The following WDR91 variants were observed in gnomAD, a reference collection of about 807,000 sequenced individuals.
The protein encoded by WDR91 is WD repeat domain 91, also known as WD repeat-containing protein 91.
A neutral mutation model predicts 88.4 loss-of-function variants in WDR91; 52 were observed. That is an observed-to-expected ratio of 0.59 (90% CI 0.47 to 0.74). WDR91 has a LOEUF of 0.74. WDR91 is among the 30% of genes least tolerant of loss of function. WDR91 has a pLI of 0.00. For synonymous variants in WDR91, 362 were observed against 389.5 expected (o/e 0.93, Z 0.83); for missense variants, 824 against 954.5 (o/e 0.86, Z 1.80).
At position 135,192,118 on chromosome 7, in the gene WDR91, T is replaced by G. The variant is rs201666784; in HGVS notation, c.1659+1113A>C. ...CCCAATTTCTGTTGTGTTTTTTTTT[T>G]TTTTTTTTTTTTTTTTTGAGACAGG... On this transcript the variant is annotated intron_variant, in intron 11 of 14. Transcript: ENST00000354475. Among the ~76,000 whole-genome samples the G allele has an allele frequency of 4.3e-5, 6 of 138,098 alleles. 1 individual carries two copies. The highest frequency in any genetic ancestry group is 2.1e-4 in the East Asian group (1 of 4,754). 90.6% of individuals were successfully genotyped at this position (138,098 alleles called of 152,430 possible).
intron 5 of WDR91, 148 bp from the exon 6 acceptor site, chr7:135,204,581 G>T: frequency 2.4e-6 from 2 of 817,274 alleles, no homozygotes; most frequent in Non-Finnish European, 1.9e-6. Flanking sequence ...ATTATCCTTG[G>T]CATCATTTTT....
intron 11 of WDR91, 63 bp from the exon 12 acceptor site, chr7:135,189,515 T>G (rs1831084192): frequency 7.2e-7 from 1 of 1,385,168 alleles, no homozygotes; most frequent in Non-Finnish European, 1.0e-6. Context: ...CGCTGCTTAT[T>G]CCAATGCAGA....
intron 14 of WDR91, among the ~76,000 whole-genome samples, 155 bp from the exon 15 acceptor site, chr7:135,186,470 T>C (rs1224996423): frequency 2.0e-5 from 3 of 152,230 alleles, no homozygotes; most frequent in Non-Finnish European, 4.4e-5. Context: ...CAGGAAATGC[T>C]TGCACTTTCC....
intron 3 of WDR91, chr7:135,207,505 G>A (rs1215543073): frequency 4.8e-6 from 2 of 420,922 alleles, no homozygotes; most frequent in South Asian, 1.7e-5. Context: ...CAGAAGCAAA[G>A]AGCTAGCATC....
intron 11 of WDR91, among the ~76,000 whole-genome samples, chr7:135,192,106 GTGTTTT>G (rs1335177916): frequency 2.0e-5 from 1 of 48,918 alleles, no homozygotes; most frequent in East Asian, 6.1e-4. Flanking sequence ...AATTTCTGTT[GTGTTTT>G]TTTTTTTTTT....
At chr7:135,199,049 A>T (rs926487834) in intron 6 of WDR91, 1 of 152,212 alleles carries the variant, frequency 6.6e-6, no homozygotes, top group African/African-American at 2.4e-5. Context: ...TTTGAGACCA[A>T]TCTTCTCAAG....
rs111657423 is a variant in WDR91, at chr7:135,204,895, A to T, written c.726-462T>A. 5.9e-3 allele frequency among the ~76,000 whole-genome samples: 891 copies of T among 151,984 alleles called. 6 individuals carry two copies. The highest frequency in any genetic ancestry group is 0.021 in the African/African-American group (859 of 41,468). ...AAAATATATCATTAAAATTAACTTC[A>T]TCTTGTTTTTTTTTTAACATAGCTA... On this transcript the variant is annotated intron_variant, in intron 5 of 14. Coordinates refer to ENST00000354475, the MANE Select transcript of WDR91 (RefSeq NM_014149.4).
Position 135,196,078 on chromosome 7 carries a change from A to C in WDR91, c.1244+66T>G, listed in dbSNP as rs1831353823. The C allele has an allele frequency of 3.5e-6, 5 of 1,409,556 alleles. No individual in the cohort carries two copies. Among genetic ancestry groups the C allele is most frequent in the Non-Finnish European group, 4.7e-6 (5 of 1,064,522 alleles). 87.3% of individuals were successfully genotyped at this position (1,409,556 alleles called of 1,614,324 possible). A position where few individuals can be genotyped will look rare whatever the true frequency, so the allele number is the denominator to read the frequency against. On this transcript the variant is annotated intron_variant, in intron 8 of 14. Coordinates refer to ENST00000354475, the MANE Select transcript of WDR91 (RefSeq NM_014149.4). This position sits in a 1 kb window ranked among gnomAD's most constrained non-coding sequence, Gnocchi z 4.2. ...TTCTCCGCCATCTCCTGCTGGCCAC[A>C]CCTCCACGTGTACTGCCTGAAAATC...
intron 11 of WDR91, among the ~76,000 whole-genome samples, chr7:135,190,231 A>G (rs17168297): frequency 0.23 from 35,667 of 152,098 alleles, 4,245 homozygotes; most frequent in Non-Finnish European, 0.27. Context: ...AGGTCAGGCG[A>G]TAAGAAACCG....
In WDR91 at chr7:135,204,453, C is replaced by T. The variant is rs772969049; in HGVS notation, c.726-20G>A. The T allele has an allele frequency of 2.5e-6, 4 of 1,613,082 alleles. No individual in the cohort carries two copies. Among genetic ancestry groups the T allele is most frequent in the Non-Finnish European group, 3.4e-6 (4 of 1,179,418 alleles). ...ATGGCACTGGTCAGCAAACACACCA[C>T]AGGGTCAGAGGGCTGAAACAGGATG... is the stretch of plus-strand genomic sequence containing the variant. On this transcript the variant is annotated intron_variant, in intron 5 of 14. Coordinates refer to ENST00000354475, the MANE Select transcript of WDR91 (RefSeq NM_014149.4).
chr7:135,205,817 A>C, intron 5 of WDR91, 111 bp downstream of exon 5: 1 of 1,510,566 alleles, frequency 6.6e-7, no homozygotes, highest in Non-Finnish European at 9.0e-7. Context: ...GCTCTTCCGC[A>C]ATTCTCCTTC....
At chr7:135,201,680 GA>G (rs1478020946) in intron 6 of WDR91, 3 of 152,150 alleles carry the variant, frequency 2.0e-5, no homozygotes, top group Non-Finnish European at 4.4e-5. Flanking sequence ...CAGTAAAAAA[GA>G]AAGAAGGGCT....
intron 6 of WDR91, among the ~76,000 whole-genome samples, chr7:135,202,574 C>T (rs527644498): frequency 2.2e-4 from 33 of 152,352 alleles, no homozygotes; most frequent in African/African-American, 7.7e-4. Flanking sequence ...ATTTCAACCT[C>T]ACCATGTGAC....
chr7:135,188,461 G>T lies in WDR91; in HGVS notation c.1853C>A (p.Thr618Asn). Reference sequence around the variant, plus strand: ...CCCGTCCTCGCCGATGCTGTACACGGTGTTCTCATCATAGCTGAACTCCAC... The same window carrying T: ...CCCGTCCTCGCCGATGCTGTACACGTTGTTCTCATCATAGCTGAACTCCAC... ...YSVEFSYDENTVYSIGEDGKF... is the reference protein window; with the variant it reads ...YSVEFSYDENNVYSIGEDGKF... Residue 618 changes from threonine (T) to asparagine (N), a missense_variant, in exon 13 of 15, where the codon ACC (threonine) becomes AAC (asparagine). Coordinates refer to ENST00000354475, the MANE Select transcript of WDR91 (RefSeq NM_014149.4). The T allele has an allele frequency of 6.2e-7, 1 of 1,614,072 alleles. No homozygotes were observed. Among genetic ancestry groups the T allele is most frequent in the Admixed American group, 1.7e-5 (1 of 60,026 alleles).
rs1438662886 is a variant in WDR91 at position 135,184,037 on chromosome 7, T to C, written c.*2114A>G. On this transcript the variant is annotated 3_prime_UTR_variant, in exon 15 of 15. Transcript: ENST00000354475. ...AACGTTAATACCATTCTCACTCCAA[T>C]GAAACCCATGACCACTTTTTAAATG... is the stretch of plus-strand genomic sequence containing the variant. 1.3e-5 allele frequency: 2 copies of C among 152,158 alleles called. No homozygotes were observed. Among genetic ancestry groups the C allele is most frequent in the Non-Finnish European group, 2.9e-5 (2 of 68,040 alleles). The allele number at this position is 152,158 out of a possible 1,614,324, so 9.4% of individuals were successfully genotyped here.
In WDR91 at chr7:135,209,562, G is replaced by A; in HGVS notation, c.303+14C>T. 6.5e-7 allele frequency: 1 copy of A among 1,533,426 alleles called. No homozygotes were observed. The highest frequency in any genetic ancestry group is 8.8e-7 in the Non-Finnish European group (1 of 1,138,494). The allele number at this position is 1,533,426 out of a possible 1,614,324, so 95.0% of individuals were successfully genotyped here. On this transcript the variant is annotated intron_variant, in intron 2 of 14. Coordinates refer to ENST00000354475, the MANE Select transcript of WDR91 (RefSeq NM_014149.4). ...TTCCACCAAGGGAAGCAGAACCCCT[G>A]AATCAACAGGCACCTGGATTGTGTA...
intron 8 of WDR91, 47 bp from the exon 9 acceptor site, chr7:135,195,131 C>A: frequency 1.3e-6 from 2 of 1,583,886 alleles, no homozygotes; most frequent in East Asian, 2.3e-5. Flanking sequence ...TCTCAGTCCC[C>A]ATCCTCTTCT....
At chr7:135,187,272 A>AC in intron 13 of WDR91, 103 bp from the exon 14 acceptor site, 2 of 1,188,452 alleles carry the variant, frequency 1.7e-6, no homozygotes, top group Non-Finnish European at 2.4e-6. Flanking sequence ...GGCGAGGGCG[A>AC]CCCGCCTCCC....
chr7:135,193,713 A>T (rs769974635), intron 9 of WDR91, 41 bp from the exon 10 acceptor site: 4 of 1,567,724 alleles, frequency 2.6e-6, no homozygotes, highest in Non-Finnish European at 3.5e-6. Flanking sequence ...GATAGCATGG[A>T]GTGAGGCTGA....
Sources: allele counts gnomAD v4.1 joint callset (sites outside exome capture counted in the v4.1 genomes callset), GRCh38; gene constraint gnomAD v4.1.1; non-coding constraint Gnocchi (gnomAD v3.1); transcripts MANE v1.5; gene names NCBI Gene and HGNC (gene_info 2026-07-23, HGNC 2026-07-21).